Variants in NBEA observed in about 807,000 individuals in gnomAD.
NBEA encodes neurobeachin.
A neutral mutation model predicts 343.4 loss-of-function variants in NBEA; 44 were observed. The observed-to-expected ratio is 0.13, with a 90% CI of 0.10 to 0.16. The LOEUF is 0.16. Ranked by LOEUF, NBEA falls within the 10% of genes least tolerant of loss-of-function variation. NBEA has a pLI of 1.00. For synonymous variants in NBEA, 1,175 were observed against 1,238.7 expected (o/e 0.95, Z 1.08); for missense variants, 2,555 against 3,631.3 (o/e 0.70, Z 7.62).
intron 18 of NBEA, among the ~76,000 whole-genome samples, chr13:35,153,694 A>T (rs1464310813): frequency 2.6e-5 from 4 of 152,224 alleles, no homozygotes; most frequent in African/African-American, 4.8e-5. Context: ...ACTTAAAAAG[A>T]CAATATAAAA....
At chr13:34,957,008 A>AATAT (rs138069841) in intron 1 of NBEA, among the ~76,000 whole-genome samples, 8 of 150,450 alleles carry the variant, frequency 5.3e-5, no homozygotes, top group African/African-American at 1.5e-4. Flanking sequence ...TATCATGTGG[A>AATAT]ATATATATAT....
intron 1 of NBEA, among the ~76,000 whole-genome samples, chr13:34,987,210 C>G (rs780435099): frequency 3.3e-5 from 5 of 150,984 alleles, no homozygotes; most frequent in Non-Finnish European, 7.4e-5. Context: ...CAAAATCTGT[C>G]AGCCTTTGCT....
At chr13:35,294,400 T>C (rs1490811386) in intron 35 of NBEA, among the ~76,000 whole-genome samples, 1 of 152,112 alleles carries the variant, frequency 6.6e-6, no homozygotes, top group African/African-American at 2.4e-5. Context: ...CATAGAGGCC[T>C]ATTAAAAAAT....
intron 55 of NBEA, among the ~76,000 whole-genome samples, chr13:35,656,137 G>A (rs1012545043): frequency 2.6e-5 from 4 of 152,126 alleles, no homozygotes; most frequent in African/African-American, 9.7e-5. Context: ...TCTCATTCAG[G>A]GCACTAACTG....
rs140575554 is a variant in NBEA, at chr13:35,172,099, C to G, written c.4423+647C>G. Among the ~76,000 whole-genome samples the G allele has an allele frequency of 3.9e-5, 6 of 152,088 alleles. No individual in the cohort carries two copies. The East Asian group carries it at 9.7e-4, about 24-fold the overall frequency. ...TGCTGTTTTTGTACTTGCCTTAGAT[C>G]ATGAGCAGGACATAAGAACTGCAAG... On this transcript the variant is annotated intron_variant, in intron 26 of 58. Coordinates refer to ENST00000379939, the MANE Select transcript of NBEA (RefSeq NM_001385012.1).
chr13:35,102,868 T>C (rs764549307), intron 11 of NBEA, among the ~76,000 whole-genome samples: 24 of 151,826 alleles, frequency 1.6e-4, no homozygotes, highest in Non-Finnish European at 3.1e-4. Flanking sequence ...AGGGTTTTTT[T>C]CCTTGCCTTG....
At chr13:34,997,540 T>C (rs1023214909) in intron 1 of NBEA, among the ~76,000 whole-genome samples, 1 of 152,242 alleles carries the variant, frequency 6.6e-6, no homozygotes, top group Non-Finnish European at 1.5e-5. Flanking sequence ...TGCTGTGTAA[T>C]GTCAGTAATT....
intron 13 of NBEA, among the ~76,000 whole-genome samples, chr13:35,114,815 T>A (rs1432810770): frequency 2.0e-5 from 3 of 152,202 alleles, no homozygotes; most frequent in Non-Finnish European, 4.4e-5. Flanking sequence ...TTGAAATTAA[T>A]TTTGTTATAT....
chr13:35,087,890 A>T (rs1048692662), intron 10 of NBEA, among the ~76,000 whole-genome samples: 1 of 151,904 alleles, frequency 6.6e-6, no homozygotes, highest in Non-Finnish European at 1.5e-5. Context: ...TTGAAGTAGG[A>T]GGTTTGTTAA....
At chr13:35,410,510 A>C (rs1362116740) in intron 38 of NBEA, among the ~76,000 whole-genome samples, 4 of 152,170 alleles carry the variant, frequency 2.6e-5, no homozygotes, top group African/African-American at 4.8e-5. Context: ...GGCTTAAGAT[A>C]TATATCAGAT....
At chr13:35,255,365 C>T (rs926700824) in intron 34 of NBEA, among the ~76,000 whole-genome samples, 1 of 152,244 alleles carries the variant, frequency 6.6e-6, no homozygotes, top group African/African-American at 2.4e-5. Flanking sequence ...GCATGCTGGG[C>T]TCATTCCGCC....
chr13:35,499,784 A>T (rs1408435418), intron 41 of NBEA, among the ~76,000 whole-genome samples: 3 of 152,112 alleles, frequency 2.0e-5, no homozygotes, highest in Non-Finnish European at 4.4e-5. Flanking sequence ...CAGAAGAAAC[A>T]CAATTAAACT....
chr13:35,415,553 G>C (rs951182304), intron 38 of NBEA, among the ~76,000 whole-genome samples: 1 of 152,070 alleles, frequency 6.6e-6, no homozygotes, highest in Non-Finnish European at 1.5e-5. Context: ...TAGATGTATG[G>C]TATTATTTCC....
chr13:35,637,584 G>A (rs746055704), intron 49 of NBEA, among the ~76,000 whole-genome samples: 6 of 152,158 alleles, frequency 3.9e-5, no homozygotes, highest in African/African-American at 7.2e-5. Context: ...AGCACTTTGG[G>A]AGGCTGAGGC....
chr13:35,120,490 A>C (rs2066736408), intron 16 of NBEA, among the ~76,000 whole-genome samples: 1 of 152,210 alleles, frequency 6.6e-6, no homozygotes, highest in Admixed American at 6.5e-5. Context: ...AAAATATTGA[A>C]AGTGGCTAAC....
intron 18 of NBEA, among the ~76,000 whole-genome samples, chr13:35,144,088 G>T (rs967366242): frequency 1.3e-5 from 2 of 152,106 alleles, no homozygotes; most frequent in Non-Finnish European, 2.9e-5. Flanking sequence ...TCAAATTTCG[G>T]TCTCTGCAAA....
intron 6 of NBEA, among the ~76,000 whole-genome samples, chr13:35,051,626 T>C (rs2063068596): frequency 6.6e-6 from 1 of 152,152 alleles, no homozygotes; most frequent in East Asian, 1.9e-4. Context: ...TTCATTATAA[T>C]GGTGTATTCT....
At chr13:35,011,074 A>G (rs2061481344) in intron 1 of NBEA, among the ~76,000 whole-genome samples, 1 of 151,908 alleles carries the variant, frequency 6.6e-6, no homozygotes, top group Admixed American at 6.6e-5. Context: ...GGGAACAGGT[A>G]TGGAATGTAG....
At chr13:35,068,412 G>C (rs1440565018) in intron 8 of NBEA, among the ~76,000 whole-genome samples, 1 of 152,130 alleles carries the variant, frequency 6.6e-6, no homozygotes, top group East Asian at 1.9e-4. Context: ...TAGACAATGG[G>C]ATGTACAAAT....
Sources: allele counts gnomAD v4.1 joint callset (sites outside exome capture counted in the v4.1 genomes callset), GRCh38; gene constraint gnomAD v4.1.1; transcripts MANE v1.5; gene names NCBI Gene and HGNC (gene_info 2026-07-23, HGNC 2026-07-21).